UNC79: variants seen among roughly 807,000 people sequenced by gnomAD.
UNC79 encodes protein unc-79 homolog.
A neutral mutation model predicts 283.1 loss-of-function variants in UNC79; 37 were observed. The ratio of observed to expected loss-of-function variants is 0.13; its 90% CI spans 0.10 to 0.17. The LOEUF (loss-of-function observed/expected upper bound fraction) is 0.17, where lower values mean the gene tolerates loss of function less well. Ranked by LOEUF, UNC79 falls within the 10% of genes least tolerant of loss-of-function variation. The probability of loss-of-function intolerance (pLI) is 1.00; values close to 1 mark genes in which losing one functional copy is unlikely to be tolerated. For synonymous variants in UNC79, 1,107 were observed against 1,200.2 expected (o/e 0.92, Z 1.61); for missense variants, 2,272 against 3,211.1 (o/e 0.71, Z 7.07).
At chr14:93,491,499 C>T (rs977628759) in intron 5 of UNC79, among the ~76,000 whole-genome samples, 5 of 152,002 alleles carry the variant, frequency 3.3e-5, no homozygotes, top group Admixed American at 6.6e-5. Flanking sequence ...TGAGATTAGT[C>T]GTATGTGGAT....
chr14:93,698,088 A>G (rs2075278431), intron 47 of UNC79, among the ~76,000 whole-genome samples: 1 of 152,228 alleles, frequency 6.6e-6, no homozygotes. Context: ...GTATCAGAGA[A>G]TATACTTTAT....
intron 47 of UNC79, among the ~76,000 whole-genome samples, chr14:93,700,027 A>G (rs11629382): frequency 0.025 from 3,711 of 150,744 alleles, 65 homozygotes; most frequent in Non-Finnish European, 0.039. Context: ...TCAATTTTGA[A>G]AGACAGTTTC....
chr14:93,597,617 TC>T (rs2141998840), intron 24 of UNC79, 77 bp downstream of exon 24: 10 of 1,451,388 alleles, frequency 6.9e-6, no homozygotes, highest in Non-Finnish European at 9.2e-6. Flanking sequence ...GTTTGTCACG[TC>T]CTAGTCTGTT....
At position 93,438,109 on chromosome 14, in the gene UNC79, C is replaced by A. The variant is rs1398409904; in HGVS notation, c.22+7058C>A. Among the ~76,000 whole-genome samples the A allele has an allele frequency of 2.0e-5, 3 of 152,212 alleles. No homozygotes were observed. In the East Asian group the frequency reaches 5.8e-4, roughly 29 times the overall value. ...GTCAACTACCAAAACAATATGCATT[C>A]CTATATGAAGTATCCAAAATAAAAA... On this transcript the variant is annotated intron_variant, in intron 1 of 48. Transcript: ENST00000555664.
intron 35 of UNC79, among the ~76,000 whole-genome samples, chr14:93,652,934 G>T (rs1596246631): frequency 6.6e-6 from 1 of 152,106 alleles, no homozygotes; most frequent in South Asian, 2.1e-4. Flanking sequence ...TGAAGTTATT[G>T]TAAGTTCGGC....
chr14:93,427,477 T>C (rs2055757459), upstream of UNC79, among the ~76,000 whole-genome samples: 1 of 152,194 alleles, frequency 6.6e-6, no homozygotes, highest in Non-Finnish European at 1.5e-5. Context: ...ACATATATGG[T>C]GTGTATGTAA....
chr14:93,349,840 A>G (rs1489579281), intron 1 of UNC79, among the ~76,000 whole-genome samples: 4 of 152,258 alleles, frequency 2.6e-5, no homozygotes, highest in African/African-American at 9.6e-5. Context: ...TGATGTTCAC[A>G]GGCTTTATAA....
intron 42 of UNC79, among the ~76,000 whole-genome samples, chr14:93,685,059 A>T (rs948884140): frequency 6.6e-6 from 1 of 152,216 alleles, no homozygotes; most frequent in African/African-American, 2.4e-5. Flanking sequence ...GCTCACTAAG[A>T]TTCTCTTGAC....
At chr14:93,568,535 G>A (rs1239927187) in intron 14 of UNC79, among the ~76,000 whole-genome samples, 1 of 152,076 alleles carries the variant, frequency 6.6e-6, no homozygotes. Flanking sequence ...TTAGCTGGGT[G>A]TGGTGGCGGG....
chr14:93,523,521 A>T (rs1316751796), intron 7 of UNC79, among the ~76,000 whole-genome samples: 2 of 152,224 alleles, frequency 1.3e-5, no homozygotes, highest in African/African-American at 4.8e-5. Context: ...ATATACAATC[A>T]TGAAAAGAGC....
chr14:93,571,908 G>C, exon 15 of UNC79: 2 of 1,613,864 alleles, frequency 1.2e-6, no homozygotes, highest in Non-Finnish European at 8.5e-7. Context: ...GTGGCTACTG[G>C]GATAAGTCCT....
chr14:93,433,822 G>A (rs1012675890), intron 1 of UNC79, among the ~76,000 whole-genome samples: 6 of 152,166 alleles, frequency 3.9e-5, no homozygotes, highest in African/African-American at 1.4e-4. Flanking sequence ...CAGCTTACTC[G>A]ATTTACCTTT....
chr14:93,540,561 A>G (rs191421585), intron 12 of UNC79, 99 bp from the exon 13 acceptor site: 1 of 1,333,842 alleles, frequency 7.5e-7, no homozygotes, highest in East Asian at 2.3e-5. Context: ...AGAGCAATCC[A>G]GGATGCTTGA....
intron 47 of UNC79, among the ~76,000 whole-genome samples, chr14:93,703,629 C>T (rs991963277): frequency 6.6e-6 from 1 of 152,134 alleles, no homozygotes; most frequent in Non-Finnish European, 1.5e-5. Flanking sequence ...AGATTAGGAC[C>T]TCAATATAGA....
intron 7 of UNC79, among the ~76,000 whole-genome samples, chr14:93,502,277 G>C (rs1385406435): frequency 1.3e-5 from 2 of 152,068 alleles, no homozygotes; most frequent in African/African-American, 2.4e-5. Flanking sequence ...TCCGGGTGTG[G>C]TGGTGGGCAC....
At chr14:93,383,382 G>A (rs2054704217) in intron 1 of UNC79, among the ~76,000 whole-genome samples, 1 of 152,106 alleles carries the variant, frequency 6.6e-6, no homozygotes. Flanking sequence ...TACCCTGAAG[G>A]TATTGTGGGT....
chr14:93,639,520 T>C (rs2068826741), intron 32 of UNC79, among the ~76,000 whole-genome samples: 1 of 152,230 alleles, frequency 6.6e-6, no homozygotes, highest in South Asian at 2.1e-4. Context: ...TATGAAACAA[T>C]TGAAGATCTT....
chr14:93,512,095 G>C (rs1412945411), intron 7 of UNC79, among the ~76,000 whole-genome samples: 2 of 152,070 alleles, frequency 1.3e-5, no homozygotes, highest in Non-Finnish European at 2.9e-5. Flanking sequence ...TTTATTGCCT[G>C]TGTTATTTAG....
chr14:93,628,342 T>C (rs1345888858), intron 30 of UNC79, among the ~76,000 whole-genome samples: 1 of 152,132 alleles, frequency 6.6e-6, no homozygotes, highest in African/African-American at 2.4e-5. Flanking sequence ...CACTGATTGC[T>C]CCCTCAACCT....
Sources: allele counts gnomAD v4.1 joint callset (sites outside exome capture counted in the v4.1 genomes callset), GRCh38; gene constraint gnomAD v4.1.1; transcripts MANE v1.5; gene names NCBI Gene and HGNC (gene_info 2026-07-23, HGNC 2026-07-21).